The following DMGDH variants were observed in gnomAD, a reference collection of about 807,000 sequenced individuals.
DMGDH encodes the protein dimethylglycine dehydrogenase.
DMGDH carries 76 observed loss-of-function variants against 95.2 expected under a neutral mutation model. The observed-to-expected ratio is 0.80, with a 90% CI of 0.66 to 0.97. The LOEUF is 0.97. Among genes scored for constraint, DMGDH ranks in the 50% least tolerant of loss-of-function variants. The pLI is 0.00. For missense variants in DMGDH, 987 were observed against 1,055.0 expected (o/e 0.94, Z 0.89); for synonymous variants, 345 against 377.6 (o/e 0.91, Z 1.00).
chr5:79,017,393 A>G (rs1351269839), intron 14 of DMGDH, among the ~76,000 whole-genome samples: 1 of 152,242 alleles, frequency 6.6e-6, no homozygotes, highest in Non-Finnish European at 1.5e-5. Context: ...AATGGCAGGG[A>G]GGCACATCAA....
In DMGDH at chr5:79,005,386, G is replaced by C. The variant is rs375601937; in HGVS notation, c.2272C>G (p.Gln758Glu). The C allele has an allele frequency of 1.2e-5, 20 of 1,613,988 alleles. No individual in the cohort carries two copies. The highest frequency in any genetic ancestry group is 1.6e-4 in the Middle Eastern group (1 of 6,084). ...TTGGCTTTAATCTGTTTCAGTGCTT[G>C]CTTTCCTATGAAGTCTGCTGGCTGC... ...LNKPADFIGK[Q>E]ALKQIKAKGL... is the part of the protein sequence containing the mutation. Residue 758 changes from glutamine (Q) to glutamate (E), a missense_variant, in exon 15 of 16, where the codon CAA becomes GAA. Gln to Glu is a conservative substitution (Grantham distance 29). Coordinates refer to ENST00000255189, the MANE Select transcript of DMGDH (RefSeq NM_013391.3).
At chr5:79,012,457 T>C (rs879802992) in intron 14 of DMGDH, among the ~76,000 whole-genome samples, 3 of 152,238 alleles carry the variant, frequency 2.0e-5, no homozygotes, top group Non-Finnish European at 4.4e-5. Context: ...TCTACCATTC[T>C]AGGGTCTAGA....
intron 14 of DMGDH, among the ~76,000 whole-genome samples, chr5:79,006,644 G>C (rs1433126577): frequency 1.3e-5 from 2 of 152,150 alleles, no homozygotes; most frequent in Non-Finnish European, 2.9e-5. Context: ...CTCTCTGAAC[G>C]CAAAGAAAGG....
intron 2 of DMGDH, among the ~76,000 whole-genome samples, chr5:79,057,157 T>C (rs1005770488): frequency 2.0e-5 from 3 of 152,234 alleles, no homozygotes; most frequent in African/African-American, 7.2e-5. Flanking sequence ...GAATAAATAT[T>C]GATTGATTAT....
intron 7 of DMGDH, among the ~76,000 whole-genome samples, chr5:79,035,742 G>T (rs1226195307): frequency 4.9e-5 from 3 of 61,626 alleles, no homozygotes; most frequent in Middle Eastern, 7.6e-3. Flanking sequence ...AGTGGTGGGC[G>T]GGGGGGGAAT....
rs775545785 is a variant in DMGDH, at chr5:79,029,943, A to C, written c.1775T>G (p.Leu592Arg). 6.2e-6 allele frequency: 10 copies of C among 1,614,128 alleles called. No individual in the cohort carries two copies. The highest frequency in any genetic ancestry group is 7.6e-6 in the Non-Finnish European group (9 of 1,179,988). ...TVSHQSPGEFLLITGSGSELH... is the reference protein window; with the variant it reads ...TVSHQSPGEFRLITGSGSELH... ...TTCTGATCCAGAGCCAGTAATTAAAAGAAACTCCCCAGGAGATTGGTGAGA... is the reference window on the plus strand; with the variant it reads ...TTCTGATCCAGAGCCAGTAATTAAACGAAACTCCCCAGGAGATTGGTGAGA... Residue 592 changes from leucine (L) to arginine (R), a missense_variant, in exon 11 of 16, where the codon CTT becomes CGT. By Grantham distance (102) the Leu-to-Arg change is moderately radical. Coordinates refer to ENST00000255189, the MANE Select transcript of DMGDH (RefSeq NM_013391.3).
At position 79,029,991 on chromosome 5, in the gene DMGDH, C is replaced by A; in HGVS notation, c.1727G>T (p.Arg576Leu). The change falls in exon 11 of 16, where the codon CGA becomes CTA. Residue 576 changes from arginine to leucine, a missense_variant. Physicochemically the swap from Arg to Leu is moderately radical, Grantham distance 102. Coordinates refer to ENST00000255189, the MANE Select transcript of DMGDH (RefSeq NM_013391.3). ...AGAAACAGTCAGCTCAGCATACACT[C>A]GACCCTTGGGTGTTAACATGTGACT... Reference protein sequence around the residue: ...NISHMLTPKGRVYAELTVSHQ... With the variant: ...NISHMLTPKGLVYAELTVSHQ... 6.2e-7 allele frequency: 1 copy of A among 1,614,016 alleles called. No individual in the cohort carries two copies. Among genetic ancestry groups the A allele is most frequent in the Non-Finnish European group, 8.5e-7 (1 of 1,179,928 alleles).
chr5:79,042,180 C>T, intron 7 of DMGDH, 103 bp downstream of exon 7: 2 of 1,108,674 alleles, frequency 1.8e-6, no homozygotes, highest in Non-Finnish European at 2.7e-6. Context: ...TTCTCTCTCT[C>T]TCAGCCTCCC....
At chr5:79,036,225 T>A (rs993521631) in intron 7 of DMGDH, among the ~76,000 whole-genome samples, 2 of 152,240 alleles carry the variant, frequency 1.3e-5, no homozygotes, top group African/African-American at 4.8e-5. Flanking sequence ...TATGACCAGT[T>A]GAAAGGATTT....
chr5:79,023,537 A>G (rs1294903318), intron 14 of DMGDH, among the ~76,000 whole-genome samples: 1 of 152,150 alleles, frequency 6.6e-6, no homozygotes, highest in Non-Finnish European at 1.5e-5. Flanking sequence ...GTTAAAACAG[A>G]TTTGTTGGCC....
In DMGDH at chr5:79,042,461, C is replaced by T. The variant is rs751293176; in HGVS notation, c.1015G>A (p.Glu339Lys). 4 of 1,614,144 alleles carry T rather than the reference C, an allele frequency of 2.5e-6. No homozygotes were observed. In the East Asian group the frequency reaches 8.9e-5, roughly 36 times the overall value. Residue 339 changes from glutamate (E) to lysine (K), a missense_variant, in exon 7 of 16, where the codon GAG (glutamate) becomes AAG (lysine). Transcript: ENST00000255189. ...VPPGFGKELF[E>K]SDLDRIMEHI... ...TCCATGATTCGATCTAGATCAGACT[C>T]AAAGAGTTCCTTTCCAAAACCTAAA... is the stretch of plus-strand genomic sequence containing the variant.
intron 3 of DMGDH, 147 bp from the exon 4 acceptor site, chr5:79,054,495 T>A: frequency 1.1e-6 from 1 of 878,954 alleles, no homozygotes; most frequent in Non-Finnish European, 1.8e-6. Context: ...TGCATCTTAT[T>A]AAAAGACACT....
intron 6 of DMGDH, 32 bp from the exon 7 acceptor site, chr5:79,042,513 C>A: frequency 6.2e-7 from 1 of 1,605,486 alleles, no homozygotes; most frequent in South Asian, 1.1e-5. Context: ...GTCAGGATGC[C>A]GTAGCTGAGC....
rs188407830 is a variant in DMGDH, at chr5:79,046,323, A to G, written c.746-1771T>C. On this transcript the variant is annotated intron_variant, in intron 5 of 15. Transcript: ENST00000255189. ...TGATCTTGAACTCCTGACCTCAGGT[A>G]ATCCGCTGCCTGGGGCTCCCAAAGT... Among the ~76,000 whole-genome samples, 663 of 152,134 alleles carry G rather than the reference A, an allele frequency of 4.4e-3. 6 individuals carry two copies. Among genetic ancestry groups the G allele is most frequent in the African/African-American group, 0.015 (638 of 41,508 alleles).
chr5:79,028,093 G>C (rs1754050398), intron 12 of DMGDH, among the ~76,000 whole-genome samples: 1 of 152,030 alleles, frequency 6.6e-6, no homozygotes, highest in Non-Finnish European at 1.5e-5. Flanking sequence ...GCCCGCCTCA[G>C]CCTCCCAAAG....
At chr5:79,013,059 G>A (rs1753672323) in intron 14 of DMGDH, among the ~76,000 whole-genome samples, 1 of 152,136 alleles carries the variant, frequency 6.6e-6, no homozygotes, top group Admixed American at 6.5e-5. Context: ...ACATGGTCAG[G>A]TTGCACATTT....
rs746039826 is a variant in DMGDH, at chr5:79,054,242, T to G, written c.482A>C (p.Gln161Pro). The change falls in exon 4 of 16, where the codon CAG (glutamine) becomes CCG (proline). Residue 161 changes from glutamine (Q) to proline (P), a missense_variant. Gln to Pro is a moderately conservative substitution (Grantham distance 76). Coordinates refer to ENST00000255189, the MANE Select transcript of DMGDH (RefSeq NM_013391.3). ...AATTTTTTCAGGTTCAATGAGATAC[T>G]GTTCTGTTGCATGCCAGCCAGTCCG... is the stretch of plus-strand genomic sequence containing the variant. The part of the protein sequence containing the change: ...MTRTGWHATE[Q>P]YLIEPEKIQE... 3 of 1,614,186 alleles carry G rather than the reference T, an allele frequency of 1.9e-6. No individual in the cohort carries two copies. Among genetic ancestry groups the G allele is most frequent in the Non-Finnish European group, 2.5e-6 (3 of 1,180,014 alleles).
rs1777204448 is a variant in DMGDH at position 79,002,559 on chromosome 5, T to C, written c.2385+2714A>G. The stretch of plus-strand genomic sequence containing the variant: ...AATGTAAACTCCATGAGGTCAGAGA[T>C]TCTTGTGTTTTGTTCACTGCTGTAT... On this transcript the variant is annotated intron_variant, in intron 15 of 15. Coordinates refer to ENST00000255189, the MANE Select transcript of DMGDH (RefSeq NM_013391.3). Among the ~76,000 whole-genome samples the C allele has an allele frequency of 2.6e-5, 4 of 152,218 alleles. No individual in the cohort carries two copies. In the South Asian group the frequency reaches 8.3e-4, roughly 31 times the overall value.
At chr5:79,009,288 TAACAAA>T (rs150721386) in intron 14 of DMGDH, among the ~76,000 whole-genome samples, 19,725 of 151,674 alleles carry the variant, frequency 0.13, 1,615 homozygotes, top group Non-Finnish European at 0.18. Context: ...AAACATATTC[TAACAAA>T]AACAACAGCA....
Sources: allele counts gnomAD v4.1 joint callset (sites outside exome capture counted in the v4.1 genomes callset), GRCh38; gene constraint gnomAD v4.1.1; transcripts MANE v1.5; gene names NCBI Gene and HGNC (gene_info 2026-07-23, HGNC 2026-07-21).